The following CACNA1D variants were observed in gnomAD, a reference collection of about 807,000 sequenced individuals.
CACNA1D encodes the protein voltage-dependent L-type calcium channel subunit alpha-1D.
In CACNA1D, 55 loss-of-function variants were observed where a neutral mutation model predicts 257.1. The ratio of observed to expected loss-of-function variants is 0.21; its 90% CI spans 0.17 to 0.27. The LOEUF (loss-of-function observed/expected upper bound fraction) is 0.27, where lower values mean the gene tolerates loss of function less well. CACNA1D is among the 10% of genes least tolerant of loss of function. The pLI, the probability that CACNA1D is intolerant of heterozygous loss-of-function variation, is 1.00. For synonymous variants in CACNA1D, 980 were observed against 1,014.9 expected (o/e 0.97, Z 0.65); for missense variants, 1,876 against 2,784.0 (o/e 0.67, Z 7.34).
intron 3 of CACNA1D, among the ~76,000 whole-genome samples, chr3:53,542,967 G>A (rs901676594): frequency 1.3e-5 from 2 of 151,466 alleles, no homozygotes; most frequent in Non-Finnish European, 2.9e-5. Context: ...CAGGAGAATC[G>A]CTTGAACCCG....
Position 53,497,306 on chromosome 3 carries a change from C to G in CACNA1D, c.222C>G (p.Pro74=). The G allele has an allele frequency of 6.2e-7, 1 of 1,614,142 alleles. No individual in the cohort carries two copies. Among genetic ancestry groups the G allele is most frequent in the South Asian group, 1.1e-5 (1 of 91,066 alleles). Residue 74 remains proline (P), a synonymous_variant, in exon 2 of 48, where the codon CCC becomes CCG. Transcript: ENST00000350061. ...CCCAAACTATGAGCACCTCTGCACC[C>G]CCACCTGTAGGATCTCTCTCCCAAA... The part of the protein sequence containing the change: ...KAAQTMSTSA[P]PPVGSLSQRK...
At chr3:53,549,249 C>G (rs943225609) in intron 3 of CACNA1D, among the ~76,000 whole-genome samples, 1 of 152,128 alleles carries the variant, frequency 6.6e-6, no homozygotes, top group Admixed American at 6.5e-5. Context: ...ACTTTGTGTT[C>G]TTTTATGTGG....
chr3:53,530,841 C>T (rs2091923369), intron 3 of CACNA1D, among the ~76,000 whole-genome samples: 1 of 151,918 alleles, frequency 6.6e-6, no homozygotes, highest in African/African-American at 2.4e-5. Flanking sequence ...CACCCGTGCA[C>T]ATCCTCCTTT....
chr3:53,780,886 G>C (rs928329944), intron 38 of CACNA1D, among the ~76,000 whole-genome samples: 17 of 152,296 alleles, frequency 1.1e-4, no homozygotes, highest in African/African-American at 4.1e-4. Context: ...AGGCAGCAAG[G>C]GACTCATGCT....
rs1361530805 is a variant in CACNA1D at position 53,740,626 on chromosome 3, G to A, written c.2811+287G>A. On this transcript the variant is annotated intron_variant, in intron 21 of 47. Transcript: ENST00000350061. ...TTTTTTTTTTGTTTTTTAAACCGAA[G>A]GATTTTTTTTTCCTGTGACCATTCC... 3.5e-5 allele frequency: 14 copies of A among 405,452 alleles called. No individual in the cohort carries two copies. In the East Asian group the frequency reaches 7.1e-4, roughly 20 times the overall value. The allele number at this position is 405,452 out of a possible 1,614,324, so 25.1% of individuals were successfully genotyped here. A position where few individuals can be genotyped will look rare whatever the true frequency, so the allele number is the denominator to read the frequency against.
intron 3 of CACNA1D, among the ~76,000 whole-genome samples, chr3:53,587,559 G>A (rs1449865220): frequency 2.6e-5 from 4 of 152,210 alleles, no homozygotes; most frequent in African/African-American, 4.8e-5. Context: ...GGGACAGGTG[G>A]TTCTGGAGCT....
intron 3 of CACNA1D, among the ~76,000 whole-genome samples, chr3:53,521,607 G>A (rs1374741420): frequency 6.6e-6 from 1 of 152,062 alleles, no homozygotes; most frequent in African/African-American, 2.4e-5. Context: ...TCTGAGGGTC[G>A]AAAGGTTTGG....
At chr3:53,695,269 A>T (rs1295809171) in intron 8 of CACNA1D, among the ~76,000 whole-genome samples, 3 of 152,102 alleles carry the variant, frequency 2.0e-5, no homozygotes, top group Middle Eastern at 3.2e-3. Context: ...TCATTAGTCC[A>T]TCTCTACTGA....
intron 27 of CACNA1D, among the ~76,000 whole-genome samples, chr3:53,750,789 C>G (rs1169956165): frequency 3.9e-5 from 6 of 152,160 alleles, no homozygotes; most frequent in Non-Finnish European, 8.8e-5. Context: ...CACTGGGAAC[C>G]TGTCCGAAGC....
intron 39 of CACNA1D, 36 bp downstream of exon 39, chr3:53,781,703 A>C (rs2095426223): frequency 7.2e-7 from 1 of 1,393,730 alleles, no homozygotes; most frequent in East Asian, 2.3e-5. Context: ...GTCCTTGGCC[A>C]GTGCTTTGGT....
intron 3 of CACNA1D, among the ~76,000 whole-genome samples, chr3:53,523,541 C>T (rs757948653): frequency 4.9e-4 from 74 of 152,344 alleles, no homozygotes; most frequent in Admixed American, 8.5e-4. Context: ...TGGCGCTTCG[C>T]CATAGGCACA....
In CACNA1D at chr3:53,751,630, A is replaced by G. The variant is rs1559624041; in HGVS notation, c.3517-119A>G. The G allele has an allele frequency of 1.0e-6, 1 of 1,003,742 alleles. No individual in the cohort carries two copies. Among genetic ancestry groups the G allele is most frequent in the South Asian group, 1.3e-5 (1 of 77,384 alleles). 62.2% of individuals were successfully genotyped at this position (1,003,742 alleles called of 1,614,324 possible). A position where few individuals can be genotyped will look rare whatever the true frequency, so the allele number is the denominator to read the frequency against. On this transcript the variant is annotated intron_variant, in intron 27 of 47. Transcript: ENST00000350061. The surrounding 1 kb of genome is among the most constrained non-coding windows in gnomAD (Gnocchi z 4.3). ...GGGGTCACTCGTAATCATTTTCACC[A>G]TCGTCCACGGCCCCTTCCCGGGAGC...
chr3:53,802,231 C>G, intron 43 of CACNA1D, 58 bp downstream of exon 43: 1 of 1,318,726 alleles, frequency 7.6e-7, no homozygotes. Flanking sequence ...TACCAGCTGG[C>G]CTCTCTGAGT....
chr3:53,524,553 T>G (rs973340495), intron 3 of CACNA1D, among the ~76,000 whole-genome samples: 1 of 152,204 alleles, frequency 6.6e-6, no homozygotes, highest in African/African-American at 2.4e-5. Flanking sequence ...ACTTTTAAGT[T>G]AGTAGGAACA....
intron 40 of CACNA1D, chr3:53,791,132 G>A: frequency 1.5e-6 from 1 of 685,412 alleles, no homozygotes; most frequent in Non-Finnish European, 2.7e-6. Flanking sequence ...GCAGGAAAAA[G>A]CAGACCCAAG....
chr3:53,529,375 C>G (rs888942015), intron 3 of CACNA1D, among the ~76,000 whole-genome samples: 6 of 151,988 alleles, frequency 3.9e-5, no homozygotes, highest in African/African-American at 1.5e-4. Flanking sequence ...ATATATTATC[C>G]TTTTTATATA....
Position 53,787,023 on chromosome 3 carries a change from G to A in CACNA1D, c.4923+71G>A, listed in dbSNP as rs148921587. The A allele has an allele frequency of 1.1e-5, 16 of 1,509,868 alleles. No individual in the cohort carries two copies. In the African/African-American group the frequency reaches 2.2e-4, roughly 21 times the overall value. The allele number at this position is 1,509,868 out of a possible 1,614,324, so 93.5% of individuals were successfully genotyped here. On this transcript the variant is annotated intron_variant, in intron 40 of 47. Transcript: ENST00000350061. ...ACAAGCTTATTTGAAATACTAGAGA[G>A]CTGCCTATTCATGGTTGAGCAGTAC... is the stretch of plus-strand genomic sequence containing the variant.
rs1559661143 is a variant in CACNA1D, at chr3:53,772,823, T to A, written c.4045-10T>A. 6.2e-7 allele frequency: 1 copy of A among 1,613,332 alleles called. No individual in the cohort carries two copies. On this transcript the variant is annotated splice_polypyrimidine_tract_variant and intron_variant, in intron 32 of 47. Coordinates refer to ENST00000350061, the MANE Select transcript of CACNA1D (RefSeq NM_001128840.3). ...GGCTGGTGCTGAGCCAAGTGCCTTTTCTCTCCCAGGCGCTCCCGTATGTGG... is the reference window on the plus strand; with the variant it reads ...GGCTGGTGCTGAGCCAAGTGCCTTTACTCTCCCAGGCGCTCCCGTATGTGG...
At chr3:53,593,783 TA>T (rs2093338032) in intron 3 of CACNA1D, among the ~76,000 whole-genome samples, 1 of 152,120 alleles carries the variant, frequency 6.6e-6, no homozygotes. Context: ...CACTCCCAAC[TA>T]GCACGTGGGC....
Sources: allele counts gnomAD v4.1 joint callset (sites outside exome capture counted in the v4.1 genomes callset), GRCh38; gene constraint gnomAD v4.1.1; non-coding constraint Gnocchi (gnomAD v3.1); transcripts MANE v1.5; gene names NCBI Gene and HGNC (gene_info 2026-07-23, HGNC 2026-07-21).